The following LDLRAD4 variants were observed in gnomAD, a reference collection of about 807,000 sequenced individuals.
LDLRAD4 encodes low density lipoprotein receptor class A domain containing 4, also known as low-density lipoprotein receptor class A domain-containing protein 4.
A neutral mutation model predicts 17.0 loss-of-function variants in LDLRAD4; 5 were observed. That is an observed-to-expected ratio of 0.29 (90% confidence interval 0.15 to 0.62). LDLRAD4 has a LOEUF of 0.62. LDLRAD4 is among the 20% of genes least tolerant of loss of function. The probability of loss-of-function intolerance (pLI) is 0.84; values close to 1 mark genes in which losing one functional copy is unlikely to be tolerated. For synonymous variants in LDLRAD4, 168 were observed against 171.8 expected, an observed-to-expected ratio of 0.98 and a Z score of 0.17; for missense variants, 340 against 424.7, an observed-to-expected ratio of 0.80 and a Z score of 1.75.
chr18:13,322,013 A>T (rs2081274393), intron 1 of LDLRAD4, among the ~76,000 whole-genome samples: 1 of 151,548 alleles, frequency 6.6e-6, no homozygotes, highest in Non-Finnish European at 1.5e-5. Flanking sequence ...TTTACAAAAA[A>T]CTAGCAATGC....
intron 1 of LDLRAD4, among the ~76,000 whole-genome samples, chr18:13,378,600 TATGAAAAC>T (rs1448346293): frequency 6.6e-6 from 1 of 152,310 alleles, no homozygotes; most frequent in African/African-American, 2.4e-5. Context: ...TATATTTCAG[TATGAAAAC>T]ATGAAAAAAA....
chr18:13,636,119 T>C (rs1386607316), intron 4 of LDLRAD4, among the ~76,000 whole-genome samples: 2 of 152,122 alleles, frequency 1.3e-5, no homozygotes, highest in African/African-American at 2.4e-5. Flanking sequence ...ACAGGAGTGA[T>C]TGTCTGACAG....
At chr18:13,292,006 A>AC (rs2045990512) in intron 1 of LDLRAD4, among the ~76,000 whole-genome samples, 1 of 152,142 alleles carries the variant, frequency 6.6e-6, no homozygotes. Flanking sequence ...AGGCTACCAA[A>AC]CAGAAGTTGG....
intron 1 of LDLRAD4, among the ~76,000 whole-genome samples, chr18:13,270,230 G>A (rs2044452409): frequency 6.6e-6 from 1 of 152,082 alleles, no homozygotes; most frequent in African/African-American, 2.4e-5. Context: ...GGGCCTGGTG[G>A]CGTGCCTACC....
intron 2 of LDLRAD4, among the ~76,000 whole-genome samples, chr18:13,403,360 A>G (rs2087403464): frequency 6.6e-6 from 1 of 152,226 alleles, no homozygotes; most frequent in Non-Finnish European, 1.5e-5. Context: ...TTCTGTGGTG[A>G]AAAATATATC....
At position 13,354,068 on chromosome 18, in the gene LDLRAD4, G is replaced by T. The variant is rs190209043; in HGVS notation, c.-382-33273G>T. On this transcript the variant is annotated intron_variant, in intron 1 of 5. Coordinates refer to ENST00000359446, the Ensembl canonical transcript of LDLRAD4. ...TAAAAATGTTTAGAGTTTTAGATGG[G>T]CATGGTGGTGCACACCTGTAGTCCC... Among the ~76,000 whole-genome samples the T allele has an allele frequency of 4.7e-4, 71 of 152,270 alleles. 2 individuals are homozygous for T. In the East Asian group the frequency reaches 0.012, roughly 26 times the overall value.
intron 3 of LDLRAD4, among the ~76,000 whole-genome samples, chr18:13,474,711 A>C (rs1189894809): frequency 3.9e-5 from 6 of 152,212 alleles, no homozygotes; most frequent in African/African-American, 1.2e-4. Context: ...AGTAGAGTTG[A>C]TTCTACCCCA....
At chr18:13,610,306 G>T (rs140540400) in intron 3 of LDLRAD4, among the ~76,000 whole-genome samples, 11,824 of 17,342 alleles carry the variant, frequency 0.68, 4,265 homozygotes, top group Non-Finnish European at 0.8. Context: ...TTTTTTTTTT[G>T]AGACGGAGTC....
intron 3 of LDLRAD4, among the ~76,000 whole-genome samples, chr18:13,446,904 G>T (rs1265852188): frequency 6.8e-6 from 1 of 146,378 alleles, no homozygotes; most frequent in Non-Finnish European, 1.5e-5. Flanking sequence ...TGCCTCGGGG[G>T]CCTTCTGGCA....
intron 4 of LDLRAD4, among the ~76,000 whole-genome samples, chr18:13,636,787 A>G (rs1601849207): frequency 6.8e-6 from 1 of 146,012 alleles, no homozygotes. Context: ...AGCGTAAACC[A>G]CCGCACCCAG....
intron 4 of LDLRAD4, among the ~76,000 whole-genome samples, chr18:13,634,267 T>G (rs749479063): frequency 2.6e-5 from 4 of 152,170 alleles, no homozygotes; most frequent in Non-Finnish European, 4.4e-5. Flanking sequence ...AAGGAAGAAG[T>G]AAAAGTATCT....
chr18:13,337,844 G>C (rs181438935), intron 1 of LDLRAD4, among the ~76,000 whole-genome samples: 1 of 151,956 alleles, frequency 6.6e-6, no homozygotes, highest in African/African-American at 2.4e-5. Context: ...CTGGGTGACA[G>C]CACGAGGCCA....
intron 3 of LDLRAD4, among the ~76,000 whole-genome samples, chr18:13,452,640 G>T (rs1443180895): frequency 6.6e-6 from 1 of 152,178 alleles, no homozygotes; most frequent in Non-Finnish European, 1.5e-5. Context: ...ACCGACATAG[G>T]AGGGATCTGC....
At chr18:13,547,911 C>T (rs1329153909) in intron 3 of LDLRAD4, among the ~76,000 whole-genome samples, 4 of 152,194 alleles carry the variant, frequency 2.6e-5, no homozygotes, top group African/African-American at 9.7e-5. Context: ...TGTGTTACAG[C>T]TCTTTCAGTC....
At chr18:13,247,801 T>A (rs1280338134) in intron 1 of LDLRAD4, among the ~76,000 whole-genome samples, 4 of 152,096 alleles carry the variant, frequency 2.6e-5, no homozygotes, top group Admixed American at 6.6e-5. Flanking sequence ...GGATCTGAGC[T>A]TTCCCCGATT....
At chr18:13,463,085 C>A (rs1045126896) in intron 3 of LDLRAD4, among the ~76,000 whole-genome samples, 1 of 152,160 alleles carries the variant, frequency 6.6e-6, no homozygotes, top group Non-Finnish European at 1.5e-5. Flanking sequence ...AGAATCTCCA[C>A]GAAACAATTG....
At chr18:13,616,602 C>T (rs1168863319) in intron 3 of LDLRAD4, among the ~76,000 whole-genome samples, 1 of 152,162 alleles carries the variant, frequency 6.6e-6, no homozygotes, top group Non-Finnish European at 1.5e-5. Context: ...GGGAGGGCTT[C>T]GGGAGCACCC....
At chr18:13,294,398 A>G (rs1194887967) in intron 1 of LDLRAD4, among the ~76,000 whole-genome samples, 1 of 152,240 alleles carries the variant, frequency 6.6e-6, no homozygotes, top group East Asian at 1.9e-4. Flanking sequence ...CTCGACCTGA[A>G]TGCATGGCAA....
chr18:13,611,924 A>C (rs1290456618), intron 3 of LDLRAD4: 2 of 985,376 alleles, frequency 2.0e-6, no homozygotes, highest in Non-Finnish European at 2.4e-6. Context: ...GCACCAGAAG[A>C]GGACAGCCCG....
Sources: gnomAD v4.1 joint callset for allele counts (sites outside exome capture counted in the v4.1 genomes callset) on GRCh38, gnomAD v4.1.1 for gene constraint, MANE v1.5 for transcripts, NCBI Gene and HGNC (gene_info 2026-07-23, HGNC 2026-07-21) for gene names.